Variants in GLI3 observed in about 807,000 individuals in gnomAD.
GLI3 encodes the protein transcription activator GLI3.
A neutral mutation model predicts 100.8 loss-of-function variants in GLI3; 20 were observed. The observed-to-expected ratio is 0.20, with a 90% confidence interval of 0.14 to 0.29. The LOEUF (loss-of-function observed/expected upper bound fraction) is 0.29. Ranked by LOEUF, GLI3 falls within the 10% of genes least tolerant of loss-of-function variation. The pLI is 1.00. For synonymous variants in GLI3, 938 were observed against 860.5 expected (o/e 1.09, Z -1.58); for missense variants, 2,040 against 2,128.5 (o/e 0.96, Z 0.82).
intron 10 of GLI3, among the ~76,000 whole-genome samples, chr7:41,979,914 G>A (rs1299522021): frequency 6.6e-6 from 1 of 152,050 alleles, no homozygotes; most frequent in Non-Finnish European, 1.5e-5. Flanking sequence ...GTCGCTGTGA[G>A]TCTGAAGGTG....
intron 1 of GLI3, among the ~76,000 whole-genome samples, chr7:42,261,819 G>A (rs368965070): frequency 7.2e-5 from 11 of 151,754 alleles, no homozygotes; most frequent in African/African-American, 2.7e-4. Flanking sequence ...TTGAAGTCTG[G>A]GTTGACCCTG....
intron 1 of GLI3, among the ~76,000 whole-genome samples, chr7:42,247,427 C>T (rs1788987267): frequency 6.6e-6 from 1 of 152,118 alleles, no homozygotes; most frequent in Admixed American, 6.5e-5. Flanking sequence ...TGACACTGTA[C>T]AGTCATTGTC....
chr7:42,089,503 T>C (rs1454933908), intron 3 of GLI3, among the ~76,000 whole-genome samples: 1 of 152,220 alleles, frequency 6.6e-6, no homozygotes, highest in Non-Finnish European at 1.5e-5. Context: ...ACCCTCAATA[T>C]GAATCCTTAG....
rs1460700966 is a variant in GLI3 at position 41,968,762 on chromosome 7, AGGAAAG to A, written c.2104-845_2104-840del. On this transcript the variant is annotated intron_variant, in intron 13 of 14. Coordinates refer to ENST00000395925, the MANE Select transcript of GLI3 (RefSeq NM_000168.6). ...AAAGAAAGAAAGAAAGAAAGAAAGA[AGGAAAG>A]AAAGAAAGAAAGAAAGAAAGAAAGA... Among the ~76,000 whole-genome samples the A allele has an allele frequency of 9.0e-3, 701 of 77,554 alleles. 11 individuals carry two copies. The highest frequency in any genetic ancestry group is 0.034 in the African/African-American group (655 of 19,208). 50.9% of individuals were successfully genotyped at this position (77,554 alleles called of 152,430 possible).
intron 3 of GLI3, among the ~76,000 whole-genome samples, chr7:42,136,879 T>G (rs1464976720): frequency 6.6e-6 from 1 of 152,246 alleles, no homozygotes; most frequent in African/African-American, 2.4e-5. Flanking sequence ...CCAGCTGGGC[T>G]GATCCCAAAC....
intron 2 of GLI3, among the ~76,000 whole-genome samples, chr7:42,180,774 A>G (rs534588783): frequency 1.4e-5 from 2 of 147,240 alleles, no homozygotes; most frequent in Non-Finnish European, 3.1e-5. Flanking sequence ...AATGACATCC[A>G]AAAAAGTCTT....
intron 2 of GLI3, among the ~76,000 whole-genome samples, chr7:42,183,310 A>G (rs987686772): frequency 6.6e-6 from 1 of 152,186 alleles, no homozygotes; most frequent in South Asian, 2.1e-4. Flanking sequence ...GCCAACCTCC[A>G]TATTTGCTTT....
Position 42,043,605 on chromosome 7 carries a change from G to A in GLI3, c.826+1779C>T, listed in dbSNP as rs567701447. ...AAGAAATTCTGACAAAGAAAAAAGA[G>A]GTTTATTTTTATGTGATGAATGATA... On this transcript the variant is annotated intron_variant, in intron 6 of 14. Transcript: ENST00000395925. Among the ~76,000 whole-genome samples, 13 of 152,226 alleles carry A rather than the reference G, an allele frequency of 8.5e-5. No homozygotes were observed. The South Asian group carries it at 1.7e-3, about 19-fold the overall frequency.
intron 6 of GLI3, among the ~76,000 whole-genome samples, chr7:42,041,271 G>C (rs1209425806): frequency 2.6e-5 from 4 of 152,162 alleles, no homozygotes; most frequent in South Asian, 2.1e-4. Context: ...CAAATCCGGA[G>C]GTGAGTAACT....
intron 3 of GLI3, among the ~76,000 whole-genome samples, chr7:42,077,231 A>G (rs984455769): frequency 3.3e-5 from 5 of 152,332 alleles, no homozygotes; most frequent in African/African-American, 1.2e-4. Context: ...TGAAAAATAA[A>G]ACTACATTGT....
chr7:42,179,010 G>A (rs1207485514), intron 2 of GLI3, among the ~76,000 whole-genome samples: 1 of 152,136 alleles, frequency 6.6e-6, no homozygotes, highest in Non-Finnish European at 1.5e-5. Flanking sequence ...AGTATGGCTG[G>A]TGATATGGTT....
chr7:42,044,166 A>T (rs1017463070), intron 6 of GLI3, among the ~76,000 whole-genome samples: 4 of 152,206 alleles, frequency 2.6e-5, no homozygotes, highest in African/African-American at 9.6e-5. Flanking sequence ...TAACTAGAGG[A>T]CATATGCTCG....
At chr7:42,122,155 C>T (rs1385899419) in intron 3 of GLI3, among the ~76,000 whole-genome samples, 1 of 150,204 alleles carries the variant, frequency 6.7e-6, no homozygotes, top group Non-Finnish European at 1.5e-5. Context: ...TAAAAATAAG[C>T]CAGACCAGGA....
At chr7:42,167,054 T>C (rs1787260233) in intron 2 of GLI3, among the ~76,000 whole-genome samples, 1 of 152,160 alleles carries the variant, frequency 6.6e-6, no homozygotes, top group Non-Finnish European at 1.5e-5. Context: ...CTCGAACTCC[T>C]GACCTCAGGT....
At chr7:42,157,632 A>G (rs912093425) in intron 2 of GLI3, among the ~76,000 whole-genome samples, 112 of 152,366 alleles carry the variant, frequency 7.4e-4, no homozygotes, top group Non-Finnish European at 7.3e-5. Context: ...AAATGCACCA[A>G]TTAGCATAAA....
intron 9 of GLI3, among the ~76,000 whole-genome samples, chr7:42,024,981 C>T (rs372499659): frequency 2.6e-5 from 4 of 152,302 alleles, no homozygotes; most frequent in South Asian, 2.1e-4. Context: ...ATTTCCTCTA[C>T]GAACTACAGT....
chr7:42,240,287 T>C (rs911942607), upstream of GLI3, among the ~76,000 whole-genome samples: 2 of 152,224 alleles, frequency 1.3e-5, no homozygotes, highest in Non-Finnish European at 2.9e-5. Context: ...AGTTAAGCTT[T>C]TAAGACAGAC....
chr7:42,154,257 G>C (rs1221885187), intron 2 of GLI3, among the ~76,000 whole-genome samples: 1 of 152,028 alleles, frequency 6.6e-6, no homozygotes, highest in East Asian at 1.9e-4. Flanking sequence ...TGGAGGACCC[G>C]CACAGGTGCA....
chr7:42,001,658 A>G (rs908120707), intron 10 of GLI3, among the ~76,000 whole-genome samples: 2 of 152,244 alleles, frequency 1.3e-5, no homozygotes, highest in Admixed American at 1.3e-4. Context: ...AGAAGAAGCC[A>G]TTGCATGAGG....
Sources: gnomAD v4.1 joint callset for allele counts (sites outside exome capture counted in the v4.1 genomes callset) on GRCh38, gnomAD v4.1.1 for gene constraint, MANE v1.5 for transcripts, NCBI Gene and HGNC (gene_info 2026-07-23, HGNC 2026-07-21) for gene names.